The following SNTB1 variants were observed in gnomAD, a reference collection of about 807,000 sequenced individuals.
SNTB1 encodes syntrophin beta 1, also known as beta-1-syntrophin.
In SNTB1, 36 loss-of-function variants were observed where a neutral mutation model predicts 48.9. That is an observed-to-expected ratio of 0.74 (90% CI 0.56 to 0.97). The LOEUF (loss-of-function observed/expected upper bound fraction) is 0.97, where lower values mean the gene tolerates loss of function less well. Among genes scored for constraint, SNTB1 ranks in the 50% least tolerant of loss-of-function variants. SNTB1 has a pLI of 0.00. For missense variants in SNTB1, 786 were observed against 703.4 expected (o/e 1.12, Z -1.33); for synonymous variants, 299 against 294.6 (o/e 1.01, Z -0.15).
chr8:120,699,520 C>T (rs1000147154), intron 1 of SNTB1, among the ~76,000 whole-genome samples: 1 of 152,164 alleles, frequency 6.6e-6, no homozygotes, highest in African/African-American at 2.4e-5. Context: ...CCTTTGCTTT[C>T]CACCATGAGT....
chr8:120,778,650 G>A (rs1206337902), intron 1 of SNTB1, among the ~76,000 whole-genome samples: 2 of 152,192 alleles, frequency 1.3e-5, no homozygotes, highest in Non-Finnish European at 2.9e-5. Flanking sequence ...ATTGATTTCC[G>A]AAGAGCATCA....
intron 1 of SNTB1, among the ~76,000 whole-genome samples, chr8:120,697,869 C>T (rs1365338584): frequency 6.6e-6 from 1 of 151,932 alleles, no homozygotes; most frequent in African/African-American, 2.4e-5. Flanking sequence ...AGTAATATTA[C>T]CAGAATTGAA....
intron 2 of SNTB1, among the ~76,000 whole-genome samples, 174 bp downstream of exon 2, chr8:120,693,516 GTC>G (rs895736959): frequency 2.6e-5 from 4 of 151,992 alleles, no homozygotes; most frequent in South Asian, 2.1e-4. Context: ...TCTCTCCTCT[GTC>G]TCTCTCTCTC....
intron 1 of SNTB1, among the ~76,000 whole-genome samples, chr8:120,738,317 A>C (rs373251919): frequency 1.3e-5 from 2 of 152,182 alleles, no homozygotes; most frequent in South Asian, 2.1e-4. Flanking sequence ...GAAGACATCA[A>C]CTTTTCCTAA....
At chr8:120,658,628 T>G (rs987126543) in intron 2 of SNTB1, among the ~76,000 whole-genome samples, 1 of 152,194 alleles carries the variant, frequency 6.6e-6, no homozygotes. Context: ...TGTACACACT[T>G]TAACTTAAAA....
At chr8:120,741,761 C>G (rs1260014929) in intron 1 of SNTB1, among the ~76,000 whole-genome samples, 2 of 152,164 alleles carry the variant, frequency 1.3e-5, no homozygotes, top group African/African-American at 4.8e-5. Flanking sequence ...CAATCTGGCT[C>G]TTGGTCTATT....
At chr8:120,703,530 C>T (rs1331488723) in intron 1 of SNTB1, among the ~76,000 whole-genome samples, 2 of 152,120 alleles carry the variant, frequency 1.3e-5, no homozygotes, top group African/African-American at 4.8e-5. Flanking sequence ...GTTACAAGAC[C>T]AAAGAGTCAC....
chr8:120,805,973 G>A (rs6985457), intron 1 of SNTB1, among the ~76,000 whole-genome samples: 1 of 152,102 alleles, frequency 6.6e-6, no homozygotes, highest in South Asian at 2.1e-4. Flanking sequence ...ATAGGGATAC[G>A]AATAGCATTG....
chr8:120,597,927 C>A (rs988261397), intron 3 of SNTB1, among the ~76,000 whole-genome samples: 1 of 152,180 alleles, frequency 6.6e-6, no homozygotes, highest in Non-Finnish European at 1.5e-5. Context: ...AAAATCAAGA[C>A]AAATTTAAAA....
chr8:120,736,088 T>C (rs1818938377), intron 1 of SNTB1, among the ~76,000 whole-genome samples: 1 of 152,086 alleles, frequency 6.6e-6, no homozygotes, highest in African/African-American at 2.4e-5. Context: ...GCAAGGCACC[T>C]TCTTCACAAG....
chr8:120,698,896 G>C (rs978521923), intron 1 of SNTB1, among the ~76,000 whole-genome samples: 1 of 152,184 alleles, frequency 6.6e-6, no homozygotes, highest in Non-Finnish European at 1.5e-5. Context: ...AATCAAAATA[G>C]TTAGGATATC....
chr8:120,680,167 C>T (rs909797760), intron 2 of SNTB1, among the ~76,000 whole-genome samples: 3 of 152,164 alleles, frequency 2.0e-5, no homozygotes, highest in Non-Finnish European at 4.4e-5. Context: ...ATGCAGTGTC[C>T]TTCCTGCGAG....
In SNTB1 at chr8:120,784,260, C is replaced by G. The variant is rs377336296; in HGVS notation, c.571+27013G>C. Among the ~76,000 whole-genome samples, 358 of 152,150 alleles carry G rather than the reference C, an allele frequency of 2.4e-3. 1 individual carries two copies. Among genetic ancestry groups the G allele is most frequent in the African/African-American group, 8.2e-3 (341 of 41,472 alleles). ...CCGCCTGCCTCGGCCTCCCAAAGTG[C>G]TGGGATTATAGGTGTGAGGTACTGT... On this transcript the variant is annotated intron_variant, in intron 1 of 6. Transcript: ENST00000517992.
Position 120,724,911 on chromosome 8 carries a change from G to A in SNTB1, c.572-31003C>T, listed in dbSNP as rs189674488. ...TAGGAGGTGGAGATGCAGGGTAGGG[G>A]AGTACAAGCAATTAAAAATGTGGCA... On this transcript the variant is annotated intron_variant, in intron 1 of 6. Transcript: ENST00000517992. Among the ~76,000 whole-genome samples the A allele has an allele frequency of 4.6e-3, 701 of 152,308 alleles. 5 individuals are homozygous for A. Among genetic ancestry groups the A allele is most frequent in the Non-Finnish European group, 7.8e-3 (533 of 68,028 alleles).
intron 1 of SNTB1, among the ~76,000 whole-genome samples, chr8:120,773,102 A>T (rs1207151570): frequency 2.6e-5 from 4 of 152,246 alleles, no homozygotes; most frequent in Non-Finnish European, 5.9e-5. Context: ...CATACGTGTG[A>T]AATAATAATT....
Position 120,538,911 on chromosome 8 carries a change from G to A in SNTB1, c.1583C>T (p.Ser528Leu), listed in dbSNP as rs1815240686. The A allele has an allele frequency of 6.2e-7, 1 of 1,613,636 alleles. No individual in the cohort carries two copies. The highest frequency in any genetic ancestry group is 1.7e-5 in the Admixed American group (1 of 59,948). Reference sequence around the variant, plus strand: ...CAAGCCCAGTCTTGTAATCTTAGCTGACAGGAAGGAATGAATGATGAAAAC... The same window carrying A: ...CAAGCCCAGTCTTGTAATCTTAGCTAACAGGAAGGAATGAATGATGAAAAC... Reference protein sequence around the residue: ...PIVFIIHSFLSAKITRLGLVA With the variant: ...PIVFIIHSFLLAKITRLGLVA The change falls in exon 7 of 7, where the codon TCA (serine) becomes TTA (leucine). Residue 528 changes from serine to leucine, a missense_variant. Coordinates refer to ENST00000517992, the MANE Select transcript of SNTB1 (RefSeq NM_021021.4).
At chr8:120,745,006 C>A (rs1319783689) in intron 1 of SNTB1, among the ~76,000 whole-genome samples, 1 of 152,082 alleles carries the variant, frequency 6.6e-6, no homozygotes, top group Non-Finnish European at 1.5e-5. Flanking sequence ...AGAGACTGAC[C>A]TCTGTGGGCT....
chr8:120,644,284 G>A (rs990908264), intron 2 of SNTB1, among the ~76,000 whole-genome samples: 2 of 150,368 alleles, frequency 1.3e-5, no homozygotes, highest in African/African-American at 4.9e-5. Flanking sequence ...CTAGCATTAG[G>A]TATATCTCCC....
At chr8:120,779,582 G>T (rs1338656170) in intron 1 of SNTB1, among the ~76,000 whole-genome samples, 1 of 152,186 alleles carries the variant, frequency 6.6e-6, no homozygotes, top group Non-Finnish European at 1.5e-5. Context: ...CCCAACTGTA[G>T]AAGATATTGC....
Sources: allele counts gnomAD v4.1 joint callset (sites outside exome capture counted in the v4.1 genomes callset), GRCh38; gene constraint gnomAD v4.1.1; transcripts MANE v1.5; gene names NCBI Gene and HGNC (gene_info 2026-07-23, HGNC 2026-07-21).